C8orf34: variants seen among roughly 807,000 people sequenced by gnomAD.
C8orf34 encodes the protein chromosome 8 open reading frame 34.
Under a neutral mutation model 68.3 loss-of-function variants are expected in C8orf34, and 65 were observed. The ratio of observed to expected loss-of-function variants is 0.95; its 90% CI spans 0.78 to 1.17. The LOEUF (loss-of-function observed/expected upper bound fraction) is 1.17, where lower values mean the gene tolerates loss of function less well. Among genes scored for constraint, C8orf34 ranks in the 50% most tolerant of loss-of-function variants. The pLI is 0.00. For synonymous variants in C8orf34, 244 were observed against 241.2 expected (o/e 1.01, Z -0.11); for missense variants, 664 against 655.4 (o/e 1.01, Z -0.14).
intron 7 of C8orf34, among the ~76,000 whole-genome samples, chr8:68,547,726 A>G (rs2130011191): frequency 6.6e-6 from 1 of 151,894 alleles, no homozygotes; most frequent in South Asian, 2.1e-4. Context: ...TATGGAAATA[A>G]TGACCTTGAA....
chr8:68,565,275 G>C (rs887359900), intron 7 of C8orf34, among the ~76,000 whole-genome samples: 1 of 152,120 alleles, frequency 6.6e-6, no homozygotes, highest in Non-Finnish European at 1.5e-5. Context: ...TGAAGGATGG[G>C]CTTTTGTCAG....
intron 7 of C8orf34, among the ~76,000 whole-genome samples, chr8:68,591,273 A>G (rs1436066219): frequency 6.6e-6 from 1 of 152,186 alleles, no homozygotes; most frequent in Non-Finnish European, 1.5e-5. Context: ...GGTAGAGACC[A>G]TAAGAGGAAG....
At chr8:68,381,998 A>G (rs1808063018) in intron 1 of C8orf34, among the ~76,000 whole-genome samples, 2 of 152,314 alleles carry the variant, frequency 1.3e-5, no homozygotes, top group African/African-American at 2.4e-5. Flanking sequence ...TCAATCATAT[A>G]CAAATAGTAT....
intron 8 of C8orf34, among the ~76,000 whole-genome samples, chr8:68,647,883 G>C (rs969446246): frequency 6.6e-6 from 1 of 152,156 alleles, no homozygotes; most frequent in East Asian, 1.9e-4. Context: ...GCTGCAATTT[G>C]TGTGATTTAA....
intron 10 of C8orf34, among the ~76,000 whole-genome samples, chr8:68,751,466 A>T (rs1329794354): frequency 6.6e-6 from 1 of 152,198 alleles, no homozygotes; most frequent in Non-Finnish European, 1.5e-5. Flanking sequence ...GCTTGAAAAG[A>T]CTGCAAAGGC....
At chr8:68,523,021 G>A (rs1814824668) in intron 6 of C8orf34, among the ~76,000 whole-genome samples, 2 of 152,168 alleles carry the variant, frequency 1.3e-5, no homozygotes, top group South Asian at 4.1e-4. Flanking sequence ...TGGCTGGAGG[G>A]AAGGAAATTC....
chr8:68,460,675 G>A (rs936260326), intron 3 of C8orf34, among the ~76,000 whole-genome samples: 1 of 152,186 alleles, frequency 6.6e-6, no homozygotes, highest in Non-Finnish European at 1.5e-5. Flanking sequence ...TGATACCCAG[G>A]CAAACAGGGT....
chr8:68,713,745 C>A (rs1275524474), intron 9 of C8orf34, among the ~76,000 whole-genome samples: 1 of 151,966 alleles, frequency 6.6e-6, no homozygotes, highest in Non-Finnish European at 1.5e-5. Flanking sequence ...AGAATTGGCA[C>A]TATATCAAAA....
At chr8:68,420,262 G>T (rs1809903149) in intron 1 of C8orf34, among the ~76,000 whole-genome samples, 1 of 151,594 alleles carries the variant, frequency 6.6e-6, no homozygotes, top group South Asian at 2.1e-4. Context: ...CAACTGCCCT[G>T]CTCTTTGGAC....
At chr8:68,795,420 A>G (rs79009815) in intron 12 of C8orf34, among the ~76,000 whole-genome samples, 1 of 151,750 alleles carries the variant, frequency 6.6e-6, no homozygotes, top group Admixed American at 6.6e-5. Context: ...TGGACATGTA[A>G]TATAACATAA....
chr8:68,682,132 TCTGTAGTA>T (rs1274652991), intron 8 of C8orf34, among the ~76,000 whole-genome samples: 4 of 152,118 alleles, frequency 2.6e-5, no homozygotes, highest in Admixed American at 1.3e-4. Flanking sequence ...AGTGCTGTAG[TCTGTAGTA>T]CTGTAGTACT....
rs917242357 is a variant in C8orf34, at chr8:68,606,018, C to T, written c.1106-34358C>T. 5.3e-5 allele frequency among the ~76,000 whole-genome samples: 8 copies of T among 152,148 alleles called. No homozygotes were observed. The South Asian group carries it at 1.5e-3, about 28-fold the overall frequency. On this transcript the variant is annotated intron_variant, in intron 7 of 13. Coordinates refer to ENST00000518698, the MANE Select transcript of C8orf34 (RefSeq NM_052958.4). ...ACTTTCTGCTCAGTTTCGCTGTGAA[C>T]ATAATACTGCTCTAAAAAACAAATT...
At chr8:68,758,693 G>T in intron 10 of C8orf34, among the ~76,000 whole-genome samples, 1 of 152,126 alleles carries the variant, frequency 6.6e-6, no homozygotes, top group East Asian at 2.0e-4. Context: ...TTGCAGAACT[G>T]CACTTCTTAC....
intron 7 of C8orf34, chr8:68,533,534 A>G: frequency 3.0e-6 from 3 of 987,716 alleles, no homozygotes; most frequent in Non-Finnish European, 3.6e-6. Context: ...CCCTCACTCC[A>G]AAATGTCTAC....
chr8:68,598,694 T>C (rs1397133298), intron 7 of C8orf34, among the ~76,000 whole-genome samples: 1 of 152,178 alleles, frequency 6.6e-6, no homozygotes, highest in Non-Finnish European at 1.5e-5. Context: ...TGAGAAGAGA[T>C]TCTAATAGTA....
At chr8:68,562,173 G>C (rs968474383) in intron 7 of C8orf34, among the ~76,000 whole-genome samples, 1 of 152,180 alleles carries the variant, frequency 6.6e-6, no homozygotes, top group Non-Finnish European at 1.5e-5. Context: ...CGTGAGTACT[G>C]TGTTGTGGCA....
At chr8:68,779,342 A>G (rs1347999163) in intron 11 of C8orf34, among the ~76,000 whole-genome samples, 1 of 152,154 alleles carries the variant, frequency 6.6e-6, no homozygotes, top group Non-Finnish European at 1.5e-5. Context: ...TTGTCAATTC[A>G]AATGATTGAG....
chr8:68,663,775 A>G (rs1416298936), intron 8 of C8orf34, among the ~76,000 whole-genome samples: 1 of 152,184 alleles, frequency 6.6e-6, no homozygotes, highest in African/African-American at 2.4e-5. Flanking sequence ...TTACTGTTTG[A>G]TAGATGGTCC....
chr8:68,555,865 T>C (rs1816234573), intron 7 of C8orf34, among the ~76,000 whole-genome samples: 1 of 152,166 alleles, frequency 6.6e-6, no homozygotes, highest in Non-Finnish European at 1.5e-5. Flanking sequence ...CATTTCTCTA[T>C]TCATCAATTT....
Sources: allele counts gnomAD v4.1 joint callset (sites outside exome capture counted in the v4.1 genomes callset), GRCh38; gene constraint gnomAD v4.1.1; transcripts MANE v1.5; gene names NCBI Gene and HGNC (gene_info 2026-07-23, HGNC 2026-07-21).